The following SS18 variants were observed in gnomAD, a reference collection of about 807,000 sequenced individuals.
SS18 encodes the protein SS18 subunit of BAF chromatin remodeling complex, also known as protein SSXT.
Under a neutral mutation model 72.5 loss-of-function variants are expected in SS18, and 28 were observed. That is an observed-to-expected ratio of 0.39 (90% CI 0.29 to 0.53). SS18 has a LOEUF of 0.53. Ranked by LOEUF, SS18 falls within the 20% of genes least tolerant of loss-of-function variation. The probability of loss-of-function intolerance (pLI) is 0.76; values close to 1 mark genes in which losing one functional copy is unlikely to be tolerated. For missense variants in SS18, 518 were observed against 535.3 expected (o/e 0.97, Z 0.32); for synonymous variants, 172 against 164.2 (o/e 1.05, Z -0.37).
chr18:26,052,154 TAAGAC>T (rs1004379137), intron 5 of SS18, among the ~76,000 whole-genome samples: 3 of 152,192 alleles, frequency 2.0e-5, no homozygotes, highest in African/African-American at 7.2e-5. Context: ...TACACCACTC[TAAGAC>T]AAGTACAGCA....
chr18:26,076,477 C>T (rs866222967), intron 3 of SS18, among the ~76,000 whole-genome samples: 1 of 151,852 alleles, frequency 6.6e-6, no homozygotes, highest in South Asian at 2.1e-4. Context: ...TGAAACTGAA[C>T]CTATTCCTCA....
intron 3 of SS18, among the ~76,000 whole-genome samples, chr18:26,067,071 C>T (rs1040859616): frequency 1.3e-5 from 2 of 152,096 alleles, no homozygotes; most frequent in African/African-American, 4.8e-5. Context: ...TTCTCTTTTG[C>T]TTTTTATTCT....
intron 3 of SS18, among the ~76,000 whole-genome samples, chr18:26,067,806 G>A (rs1246724016): frequency 1.4e-5 from 2 of 146,168 alleles, no homozygotes; most frequent in Non-Finnish European, 2.9e-5. Context: ...AAAGACCAGT[G>A]GTCCCCAACC....
At chr18:26,050,198 G>A (rs2053896894) in intron 5 of SS18, among the ~76,000 whole-genome samples, 1 of 150,752 alleles carries the variant, frequency 6.6e-6, no homozygotes, top group Non-Finnish European at 1.5e-5. Context: ...CTGCACTTCT[G>A]CACTCCAGCC....
In SS18 at chr18:26,061,999, G is replaced by A. The variant is rs7238735; in HGVS notation, c.232-4257C>T. ...GGTTAGGCCGGGTGAGGTGGGTCAT[G>A]CCTGTAATCCTAGCACTTTGGAAGG... On this transcript the variant is annotated intron_variant, in intron 3 of 10. Coordinates refer to ENST00000415083, the MANE Select transcript of SS18 (RefSeq NM_001007559.3). Among the ~76,000 whole-genome samples, 785 of 152,308 alleles carry A rather than the reference G, an allele frequency of 5.2e-3. 5 individuals carry two copies. The highest frequency in any genetic ancestry group is 0.02 in the Middle Eastern group (6 of 294).
intron 3 of SS18, among the ~76,000 whole-genome samples, chr18:26,058,406 TG>T (rs1341245390): frequency 1.3e-5 from 2 of 152,180 alleles, no homozygotes; most frequent in Non-Finnish European, 2.9e-5. Context: ...AGATATGAGG[TG>T]GTCTGCCACA....
In SS18 at chr18:26,032,411, A is replaced by G; in HGVS notation, c.1218T>C (p.Tyr406=). The G allele has an allele frequency of 6.2e-7, 1 of 1,613,872 alleles. No homozygotes were observed. The highest frequency in any genetic ancestry group is 1.1e-5 in the South Asian group (1 of 91,056). Residue 406 remains tyrosine, a synonymous_variant, in exon 10 of 11, where the codon TAT becomes TAC. Transcript: ENST00000415083. The stretch of plus-strand genomic sequence containing the variant: ...TCAAACTACTTACCTGGTCATATCC[A>G]TAAGGCCTCTGCTGGGGTGGCTGTG... ...GPPQPPQQRP[Y]GYDQGQYGNY...
chr18:26,085,584 G>A (rs888426195), intron 2 of SS18, among the ~76,000 whole-genome samples: 1 of 152,026 alleles, frequency 6.6e-6, no homozygotes, highest in African/African-American at 2.4e-5. Context: ...CTATAAACGT[G>A]TATGCATAAA....
chr18:26,089,385 G>A (rs1227521345), intron 1 of SS18, among the ~76,000 whole-genome samples: 11 of 152,256 alleles, frequency 7.2e-5, no homozygotes, highest in African/African-American at 2.2e-4. Flanking sequence ...TGCCAAGCCC[G>A]TTTGTTCATA....
intron 3 of SS18, among the ~76,000 whole-genome samples, chr18:26,077,119 A>T (rs2054428827): frequency 6.6e-6 from 1 of 152,024 alleles, no homozygotes; most frequent in Non-Finnish European, 1.5e-5. Context: ...CACAAGCATC[A>T]ATGACCATTA....
chr18:26,057,741 G>A lies in SS18; in HGVS notation c.233C>T (p.Pro78Leu), dbSNP rs200163863. 72 of 1,597,824 alleles carry A rather than the reference G, an allele frequency of 4.5e-5. No individual in the cohort carries two copies. Among genetic ancestry groups the A allele is most frequent in the Non-Finnish European group, 5.7e-5 (67 of 1,169,886 alleles). Reference sequence around the variant, plus strand: ...ACCCATAGGCATATTCTGTGTGGGTGGCTGAAAGAAGACAGTTTAGTAAAA... The same window carrying A: ...ACCCATAGGCATATTCTGTGTGGGTAGCTGAAAGAAGACAGTTTAGTAAAA... ...NQNMQSLLPA[P>L]PTQNMPMGPG... Residue 78 changes from proline to leucine, a missense_variant and splice_region_variant, in exon 4 of 11, where the codon CCA (proline) becomes CTA (leucine). Transcript: ENST00000415083.
chr18:26,069,091 T>C (rs1193139707), intron 3 of SS18, among the ~76,000 whole-genome samples: 1 of 152,142 alleles, frequency 6.6e-6, no homozygotes, highest in African/African-American at 2.4e-5. Flanking sequence ...TTATATCTAC[T>C]CAGTAACTGA....
At chr18:26,070,163 A>C (rs778551881) in intron 3 of SS18, among the ~76,000 whole-genome samples, 1 of 152,204 alleles carries the variant, frequency 6.6e-6, no homozygotes, top group Non-Finnish European at 1.5e-5. Flanking sequence ...AAAATAAATT[A>C]AAAATGGTTC....
intron 3 of SS18, among the ~76,000 whole-genome samples, chr18:26,071,213 C>T (rs2054304687): frequency 6.6e-6 from 1 of 152,130 alleles, no homozygotes; most frequent in Non-Finnish European, 1.5e-5. Flanking sequence ...TGATGAAAGA[C>T]ATGAACCTAC....
At chr18:26,085,286 C>G (rs1371660850) in intron 2 of SS18, among the ~76,000 whole-genome samples, 1 of 152,214 alleles carries the variant, frequency 6.6e-6, no homozygotes, top group Non-Finnish European at 1.5e-5. Context: ...CCTCCCACCT[C>G]AGCCTCCCAA....
rs1175111647 is a variant in SS18, at chr18:26,035,143, A to G, written c.974-16T>C. On this transcript the variant is annotated splice_polypyrimidine_tract_variant and intron_variant, in intron 8 of 10. Transcript: ENST00000415083. The surrounding 1 kb of genome is among the most constrained non-coding windows in gnomAD (Gnocchi z 4.4). ...TGTGAATTTCCTACAGGATAATTGGAGAAGAGGAAAAAAAACTGAGAAGTC... is the reference window on the plus strand; with the variant it reads ...TGTGAATTTCCTACAGGATAATTGGGGAAGAGGAAAAAAAACTGAGAAGTC... The G allele has an allele frequency of 1.9e-6, 3 of 1,610,560 alleles. No individual in the cohort carries two copies. Among genetic ancestry groups the G allele is most frequent in the South Asian group, 1.1e-5 (1 of 90,652 alleles).
chr18:26,040,635 C>G (rs992262695), intron 5 of SS18, among the ~76,000 whole-genome samples: 4 of 152,176 alleles, frequency 2.6e-5, no homozygotes, highest in African/African-American at 9.7e-5. Flanking sequence ...TGACTTACAA[C>G]AGCAGCAATG....
At chr18:26,072,231 T>G (rs7232106) in intron 3 of SS18, among the ~76,000 whole-genome samples, 1 of 151,000 alleles carries the variant, frequency 6.6e-6, no homozygotes, top group Non-Finnish European at 1.5e-5. Context: ...ACTAAAAGAA[T>G]AGTAAATATG....
Position 26,050,909 on chromosome 18 carries a change from A to AAAAT in SS18, c.607+1711_607+1714dup, listed in dbSNP as rs554116132. On this transcript the variant is annotated intron_variant, in intron 5 of 10. Transcript: ENST00000415083. ...GGGCAACAGAGCCAGACGCCGTCTC[A>AAAAT]AAATAAATAAATAAATAAATAAACA... 2.7e-3 allele frequency among the ~76,000 whole-genome samples: 408 copies of AAAAT among 151,752 alleles called. 4 individuals are homozygous for AAAAT. Among genetic ancestry groups the AAAAT allele is most frequent in the African/African-American group, 9.0e-3 (370 of 41,236 alleles).
Sources: gnomAD v4.1 joint callset for allele counts (sites outside exome capture counted in the v4.1 genomes callset) on GRCh38, gnomAD v4.1.1 for gene constraint, Gnocchi (gnomAD v3.1) non-coding constraint, MANE v1.5 for transcripts, NCBI Gene and HGNC (gene_info 2026-07-23, HGNC 2026-07-21) for gene names.